Variants in SEZ6L observed in about 807,000 individuals in gnomAD.
SEZ6L encodes the protein seizure 6-like protein.
A neutral mutation model predicts 106.2 loss-of-function variants in SEZ6L; 37 were observed. The ratio of observed to expected loss-of-function variants is 0.35; its 90% CI spans 0.27 to 0.46. The LOEUF (loss-of-function observed/expected upper bound fraction) is 0.46. Ranked by LOEUF, SEZ6L falls within the 20% of genes least tolerant of loss-of-function variation. The pLI, the probability that SEZ6L is intolerant of heterozygous loss-of-function variation, is 1.00. For missense variants in SEZ6L, 1,172 were observed against 1,332.8 expected (o/e 0.88, Z 1.88); for synonymous variants, 541 against 570.4 (o/e 0.95, Z 0.73).
intron 11 of SEZ6L, among the ~76,000 whole-genome samples, chr22:26,349,508 T>C (rs1601582077): frequency 6.6e-6 from 1 of 152,220 alleles, no homozygotes; most frequent in Non-Finnish European, 1.5e-5. Context: ...ATGCACATCA[T>C]ACATACATTA....
intron 16 of SEZ6L, 119 bp from the exon 17 acceptor site, chr22:26,380,147 G>T: frequency 1.2e-6 from 1 of 834,448 alleles, no homozygotes; most frequent in Non-Finnish European, 2.0e-6. Context: ...AGAGTGGGAG[G>T]GCACTGAAAA....
intron 1 of SEZ6L, among the ~76,000 whole-genome samples, chr22:26,279,990 A>C (rs1363831134): frequency 6.6e-6 from 1 of 152,216 alleles, no homozygotes; most frequent in Non-Finnish European, 1.5e-5. Flanking sequence ...CATGTGGCAA[A>C]ACAACCCAAC....
chr22:26,269,411 T>C (rs1004650063), intron 1 of SEZ6L, among the ~76,000 whole-genome samples: 4 of 152,266 alleles, frequency 2.6e-5, no homozygotes, highest in Non-Finnish European at 4.4e-5. Context: ...GGAACTTAAA[T>C]GGATGCATAA....
At chr22:26,255,979 A>G (rs2079804535) in intron 1 of SEZ6L, among the ~76,000 whole-genome samples, 1 of 152,192 alleles carries the variant, frequency 6.6e-6, no homozygotes. Context: ...TGGGAGATCA[A>G]GGGAGTGATG....
intron 9 of SEZ6L, among the ~76,000 whole-genome samples, chr22:26,316,927 G>GAAAGAAAGAAAGAAAGAA (rs1328102659): frequency 5.3e-5 from 8 of 150,950 alleles, no homozygotes; most frequent in African/African-American, 1.9e-4. Context: ...GAAAGAAAAA[G>GAAAGAAAGAAAGAAAGAA]AAAGAAAGAA....
intron 1 of SEZ6L, among the ~76,000 whole-genome samples, chr22:26,233,176 G>T (rs541872581): frequency 1.2e-4 from 19 of 152,280 alleles, no homozygotes; most frequent in South Asian, 1.2e-3. Context: ...GTGTCTTTTT[G>T]CATTGCTTAG....
chr22:26,176,186 A>G (rs1938988733), intron 1 of SEZ6L, among the ~76,000 whole-genome samples: 1 of 152,252 alleles, frequency 6.6e-6, no homozygotes, highest in Admixed American at 6.5e-5. Flanking sequence ...TCAGAACGGT[A>G]CAAGCACTTG....
chr22:26,257,222 C>T (rs185815715), intron 1 of SEZ6L, among the ~76,000 whole-genome samples: 2 of 152,194 alleles, frequency 1.3e-5, no homozygotes, highest in African/African-American at 4.8e-5. Context: ...GGTTAAGGAA[C>T]CCCAATCTAG....
rs145608487 is a variant in SEZ6L at position 26,208,909 on chromosome 22, G to A, written c.94+39146G>A. On this transcript the variant is annotated intron_variant, in intron 1 of 16. Coordinates refer to ENST00000248933, the MANE Select transcript of SEZ6L (RefSeq NM_021115.5). ...GTGTGTGTGTGTGTGTGTGTGTAAT[G>A]TTTTGATATTTCCCGCAAATCCCTG... Among the ~76,000 whole-genome samples the A allele has an allele frequency of 1.3e-3, 153 of 120,916 alleles. 1 individual carries two copies. The East Asian group carries it at 0.032, about 25-fold the overall frequency. 79.3% of individuals were successfully genotyped at this position (120,916 alleles called of 152,430 possible).
At position 26,292,784 on chromosome 22, in the gene SEZ6L, C is replaced by A. The variant is rs746898457; in HGVS notation, c.473C>A (p.Ser158Tyr). 24 of 1,614,016 alleles carry A rather than the reference C, an allele frequency of 1.5e-5. 1 individual carries two copies. In the South Asian group the frequency reaches 2.2e-4, roughly 15 times the overall value. Reference sequence around the variant, plus strand: ...GCGTCCCAGGGCCTAGATCTCCTCTCCTCCTCCACGGAGAAGCCTGGCCCA... The same window carrying A: ...GCGTCCCAGGGCCTAGATCTCCTCTACTCCTCCACGGAGAAGCCTGGCCCA... ...QPASQGLDLL[S>Y]SSTEKPGPPG... The change falls in exon 2 of 17, where the codon TCC (serine) becomes TAC (tyrosine). Residue 158 changes from serine to tyrosine, a missense_variant. By Grantham distance (144) the Ser-to-Tyr change is moderately radical. Coordinates refer to ENST00000248933, the MANE Select transcript of SEZ6L (RefSeq NM_021115.5).
intron 2 of SEZ6L, 36 bp from the exon 3 acceptor site, chr22:26,294,256 T>A: frequency 6.2e-7 from 1 of 1,609,614 alleles, no homozygotes; most frequent in Non-Finnish European, 8.5e-7. Context: ...ACATCCAAGT[T>A]GTCTTTGGTG....
rs370576133 is a variant in SEZ6L at position 26,370,149 on chromosome 22, A to G, written c.2795-3302A>G. Among the ~76,000 whole-genome samples the G allele has an allele frequency of 3.4e-4, 52 of 152,072 alleles. No homozygotes were observed. The East Asian group carries it at 9.9e-3, about 29-fold the overall frequency. ...TGTAATCCCAGCACTTTGGGAGGCC[A>G]AGGCAGGTGGATCACGAGGTCAGGA... On this transcript the variant is annotated intron_variant, in intron 13 of 16. Transcript: ENST00000248933.
At chr22:26,208,076 A>AT (rs531181975) in intron 1 of SEZ6L, among the ~76,000 whole-genome samples, 1,751 of 145,162 alleles carry the variant, frequency 0.012, 22 homozygotes, top group South Asian at 0.066. Context: ...TGCCCAGCTA[A>AT]TTTTTTTTTT....
At chr22:26,209,057 ATATT>A (rs1465454813) in intron 1 of SEZ6L, among the ~76,000 whole-genome samples, 1 of 152,036 alleles carries the variant, frequency 6.6e-6, no homozygotes, top group African/African-American at 2.4e-5. Flanking sequence ...CCATCAGTGA[ATATT>A]TAATTTTAGA....
intron 1 of SEZ6L, among the ~76,000 whole-genome samples, chr22:26,290,531 CA>C (rs2081077078): frequency 6.8e-6 from 1 of 148,022 alleles, no homozygotes; most frequent in African/African-American, 2.4e-5. Context: ...GACTCCGTCT[CA>C]AAAAAATAAA....
At chr22:26,315,333 G>C (rs1406832844) in intron 9 of SEZ6L, among the ~76,000 whole-genome samples, 1 of 152,078 alleles carries the variant, frequency 6.6e-6, no homozygotes, top group Non-Finnish European at 1.5e-5. Context: ...ATAAAAATTA[G>C]CTGGATGTGG....
At chr22:26,298,480 C>G (rs2081362565) in intron 4 of SEZ6L, among the ~76,000 whole-genome samples, 1 of 152,214 alleles carries the variant, frequency 6.6e-6, no homozygotes, top group South Asian at 2.1e-4. Flanking sequence ...AAGGTGACAT[C>G]GTTTTGTAAA....
chr22:26,187,861 A>T (rs1430363152), intron 1 of SEZ6L, among the ~76,000 whole-genome samples: 1 of 152,186 alleles, frequency 6.6e-6, no homozygotes, highest in Non-Finnish European at 1.5e-5. Flanking sequence ...CAGAAATTAG[A>T]CATACCAAGC....
At chr22:26,201,977 A>C (rs751179681) in intron 1 of SEZ6L, among the ~76,000 whole-genome samples, 1 of 152,130 alleles carries the variant, frequency 6.6e-6, no homozygotes, top group African/African-American at 2.4e-5. Context: ...GCAGTGGTGC[A>C]ATCTCCGCTC....
Sources: allele counts gnomAD v4.1 joint callset (sites outside exome capture counted in the v4.1 genomes callset), GRCh38; gene constraint gnomAD v4.1.1; transcripts MANE v1.5; gene names NCBI Gene and HGNC (gene_info 2026-07-23, HGNC 2026-07-21).